The following KCNQ5 variants were observed in gnomAD, a reference collection of about 807,000 sequenced individuals.
KCNQ5 encodes potassium voltage-gated channel subfamily KQT member 5.
In KCNQ5, 30 loss-of-function variants were observed where a neutral mutation model predicts 98.2. The observed-to-expected ratio is 0.31, with a 90% CI of 0.23 to 0.41. The LOEUF (loss-of-function observed/expected upper bound fraction) is 0.41. KCNQ5 is among the 10% of genes least tolerant of loss of function. KCNQ5 has a pLI of 1.00. For missense variants in KCNQ5, 835 were observed against 1,182.5 expected, an observed-to-expected ratio of 0.71 and a Z score of 4.31; for synonymous variants, 458 against 449.4, an observed-to-expected ratio of 1.02 and a Z score of -0.24.
intron 11 of KCNQ5, among the ~76,000 whole-genome samples, chr6:73,180,476 A>C (rs1778368978): frequency 6.6e-6 from 1 of 152,198 alleles, no homozygotes; most frequent in Admixed American, 6.5e-5. Context: ...ACACCAAGGC[A>C]CACTAATGCC....
chr6:73,019,257 C>T (rs544757435), intron 2 of KCNQ5, among the ~76,000 whole-genome samples: 30 of 152,202 alleles, frequency 2.0e-4, no homozygotes, highest in African/African-American at 7.0e-4. Context: ...TTCGTTAGGT[C>T]TCTGTTTACA....
chr6:73,171,782 AG>A (rs1778026144), intron 11 of KCNQ5, among the ~76,000 whole-genome samples: 1 of 152,204 alleles, frequency 6.6e-6, no homozygotes, highest in Admixed American at 6.5e-5. Flanking sequence ...CCTAAAGTAA[AG>A]GTGGGACAAT....
intron 1 of KCNQ5, among the ~76,000 whole-genome samples, chr6:72,818,580 A>G (rs1775604857): frequency 6.6e-6 from 1 of 151,690 alleles, no homozygotes; most frequent in South Asian, 2.1e-4. Flanking sequence ...ATATAATATA[A>G]ATTAAATTGG....
At chr6:72,862,659 G>A (rs550499957) in intron 1 of KCNQ5, among the ~76,000 whole-genome samples, 14 of 151,956 alleles carry the variant, frequency 9.2e-5, no homozygotes, top group Non-Finnish European at 1.3e-4. Flanking sequence ...ACAGGGTCTC[G>A]CTCTGTCACC....
intron 1 of KCNQ5, among the ~76,000 whole-genome samples, chr6:72,794,381 G>A (rs1329575650): frequency 6.6e-6 from 1 of 151,970 alleles, no homozygotes; most frequent in Non-Finnish European, 1.5e-5. Context: ...GAGAGATATG[G>A]CAATCATAAA....
chr6:72,778,830 C>T (rs1395153440), intron 1 of KCNQ5, among the ~76,000 whole-genome samples: 1 of 151,936 alleles, frequency 6.6e-6, no homozygotes, highest in Non-Finnish European at 1.5e-5. Context: ...GAGTTGTATC[C>T]CAGAGCACAG....
chr6:73,019,820 T>A (rs1770510024), intron 2 of KCNQ5, among the ~76,000 whole-genome samples: 1 of 152,150 alleles, frequency 6.6e-6, no homozygotes, highest in Non-Finnish European at 1.5e-5. Context: ...TATAAGACAG[T>A]CTGATTTAAT....
chr6:73,032,281 C>G (rs188425360), intron 2 of KCNQ5, among the ~76,000 whole-genome samples: 1 of 152,306 alleles, frequency 6.6e-6, no homozygotes, highest in East Asian at 1.9e-4. Flanking sequence ...AATTCTCCTG[C>G]CTCAGCCTCC....
At chr6:72,748,497 A>G (rs2179954) in intron 1 of KCNQ5, among the ~76,000 whole-genome samples, 149,501 of 152,252 alleles carry the variant, frequency 0.98, 73,411 homozygotes, top group Admixed American at 0.99. Context: ...ATACAGCAAA[A>G]TTTGAGAACC....
At chr6:73,135,477 C>G (rs189676550) in intron 10 of KCNQ5, 2 of 151,158 alleles carry the variant, frequency 1.3e-5, no homozygotes, top group East Asian at 3.9e-4. Context: ...AAAAAACTAG[C>G]CCTTCAAGAA....
chr6:73,087,140 A>T (rs1215058886), intron 5 of KCNQ5, among the ~76,000 whole-genome samples: 1 of 152,228 alleles, frequency 6.6e-6, no homozygotes, highest in African/African-American at 2.4e-5. Context: ...TTGCAGGTAT[A>T]TGAAGAAGGA....
intron 2 of KCNQ5, among the ~76,000 whole-genome samples, chr6:73,035,038 G>T (rs1278778959): frequency 6.6e-6 from 1 of 151,768 alleles, no homozygotes; most frequent in Non-Finnish European, 1.5e-5. Context: ...GTAGAGACGG[G>T]GTTTCACCTT....
At chr6:73,037,627 T>C (rs1452868637) in intron 2 of KCNQ5, among the ~76,000 whole-genome samples, 2 of 152,190 alleles carry the variant, frequency 1.3e-5, no homozygotes, top group African/African-American at 4.8e-5. Flanking sequence ...TCTTCCTCCA[T>C]TGAAATGCTT....
intron 5 of KCNQ5, among the ~76,000 whole-genome samples, chr6:73,103,463 C>T: frequency 9.8e-6 from 1 of 102,106 alleles, no homozygotes; most frequent in East Asian, 3.0e-4. Context: ...GGATGGGGAA[C>T]ATCACATACT....
At chr6:73,117,893 A>G (rs951372004) in intron 7 of KCNQ5, among the ~76,000 whole-genome samples, 3 of 152,234 alleles carry the variant, frequency 2.0e-5, no homozygotes, top group African/African-American at 7.2e-5. Context: ...GTTGCATTAT[A>G]TAAGATGTCA....
At chr6:72,647,795 A>G (rs1765675457) in intron 1 of KCNQ5, among the ~76,000 whole-genome samples, 1 of 152,188 alleles carries the variant, frequency 6.6e-6, no homozygotes, top group Admixed American at 6.5e-5. Flanking sequence ...CCATTAGATC[A>G]CAGTATTGAC....
chr6:72,791,896 C>G (rs1774069284), intron 1 of KCNQ5, among the ~76,000 whole-genome samples: 2 of 152,138 alleles, frequency 1.3e-5, no homozygotes, highest in South Asian at 4.1e-4. Context: ...GGCAGAGCCC[C>G]TATGACTTAA....
chr6:72,875,052 TTGTC>T (rs1287771464), intron 1 of KCNQ5, among the ~76,000 whole-genome samples: 2 of 152,156 alleles, frequency 1.3e-5, no homozygotes, highest in Non-Finnish European at 2.9e-5. Flanking sequence ...TGGACTATAT[TTGTC>T]TGGGGAGATT....
At chr6:72,759,630 C>G (rs1364906368) in intron 1 of KCNQ5, among the ~76,000 whole-genome samples, 1 of 152,052 alleles carries the variant, frequency 6.6e-6, no homozygotes, top group Non-Finnish European at 1.5e-5. Context: ...GGTTGTGCCC[C>G]TTTCTTCTCA....
Sources: allele counts gnomAD v4.1 joint callset (sites outside exome capture counted in the v4.1 genomes callset), GRCh38; gene constraint gnomAD v4.1.1; transcripts MANE v1.5; gene names NCBI Gene and HGNC (gene_info 2026-07-23, HGNC 2026-07-21).